The following EFCAB6 variants were observed in gnomAD, a reference collection of about 807,000 sequenced individuals.
EFCAB6 encodes EF-hand calcium-binding domain-containing protein 6.
In EFCAB6, 156 loss-of-function variants were observed where a neutral mutation model predicts 169.8. That is an observed-to-expected ratio of 0.92 (90% CI 0.81 to 1.05). EFCAB6 has a LOEUF of 1.05. Among genes scored for constraint, EFCAB6 ranks in the 50% least tolerant of loss-of-function variants. The pLI is 0.00. For missense variants in EFCAB6, 1,800 were observed against 1,829.1 expected, an observed-to-expected ratio of 0.98 and a Z score of 0.29; for synonymous variants, 698 against 676.4, an observed-to-expected ratio of 1.03 and a Z score of -0.50.
intron 26 of EFCAB6, among the ~76,000 whole-genome samples, chr22:43,558,634 C>G (rs2048847914): frequency 6.6e-6 from 1 of 152,062 alleles, no homozygotes; most frequent in Non-Finnish European, 1.5e-5. Context: ...CAGTGCCACC[C>G]CAGCCTTCAG....
In EFCAB6 at chr22:43,711,608, CA is replaced by C. The variant is rs752107893; in HGVS notation, c.897del (p.Tyr299Ter). 6.3e-7 allele frequency: 1 copy of C among 1,581,010 alleles called. No individual in the cohort carries two copies. The highest frequency in any genetic ancestry group is 2.3e-5 in the East Asian group (1 of 43,624). ...GCACTGAGGGCCTTTTCAACCTTTT[CA>C]TAAGACTTCGAAAGCTGCAATAAAT... ...RNFCLQLSKS[Y>X]EKVEKALSAG... On this transcript the variant is annotated frameshift_variant, in exon 10 of 32. Coordinates refer to ENST00000262726, the MANE Select transcript of EFCAB6 (RefSeq NM_022785.4). LOFTEE classifies it high-confidence loss of function.
intron 10 of EFCAB6, among the ~76,000 whole-genome samples, chr22:43,687,942 C>A (rs901055108): frequency 6.6e-6 from 1 of 152,230 alleles, no homozygotes; most frequent in Non-Finnish European, 1.5e-5. Context: ...GGGGTCCACC[C>A]TCTAATCCTG....
intron 27 of EFCAB6, among the ~76,000 whole-genome samples, chr22:43,547,960 G>A (rs1433432958): frequency 6.6e-6 from 1 of 151,958 alleles, no homozygotes; most frequent in African/African-American, 2.4e-5. Flanking sequence ...GCTGGATGTG[G>A]TGGCGGGCGC....
rs138314952 is a variant in EFCAB6 at position 43,766,444 on chromosome 22, T to C, written c.352-1051A>G. Reference sequence around the variant, plus strand: ...CACAGAAGAAACAAATGAGGTAAAATGTTCACAATAGGTCAATCTCAATGA... The same window carrying C: ...CACAGAAGAAACAAATGAGGTAAAACGTTCACAATAGGTCAATCTCAATGA... On this transcript the variant is annotated intron_variant, in intron 4 of 31. Transcript: ENST00000262726. Among the ~76,000 whole-genome samples the C allele has an allele frequency of 4.3e-4, 65 of 152,320 alleles. 1 individual carries two copies. The Middle Eastern group carries it at 0.02, about 48-fold the overall frequency.
At chr22:43,738,055 ATCAC>A (rs908664395) in intron 6 of EFCAB6, among the ~76,000 whole-genome samples, 42 of 143,486 alleles carry the variant, frequency 2.9e-4, no homozygotes, top group Non-Finnish European at 5.5e-4. Flanking sequence ...CATTCACACC[ATCAC>A]TCAAATATAT....
chr22:43,687,447 G>A (rs202197148), intron 11 of EFCAB6, 24 bp downstream of exon 11: 5 of 833,484 alleles, frequency 6.0e-6, no homozygotes, highest in Non-Finnish European at 8.6e-6. Flanking sequence ...ACTAAAATTT[G>A]TTTTTTTTTT....
chr22:43,799,818 A>C (rs2062639803), intron 2 of EFCAB6, among the ~76,000 whole-genome samples: 1 of 152,180 alleles, frequency 6.6e-6, no homozygotes, highest in Non-Finnish European at 1.5e-5. Flanking sequence ...CAGTAAAAGA[A>C]TTCAACTTCC....
intron 21 of EFCAB6, among the ~76,000 whole-genome samples, chr22:43,611,692 G>C (rs1383474586): frequency 1.3e-5 from 2 of 152,166 alleles, no homozygotes; most frequent in Non-Finnish European, 2.9e-5. Context: ...CAGCTATTTG[G>C]GAGGCTGAGG....
intron 12 of EFCAB6, among the ~76,000 whole-genome samples, chr22:43,682,263 C>T (rs576475401): frequency 1.2e-4 from 18 of 152,272 alleles, no homozygotes; most frequent in African/African-American, 4.3e-4. Flanking sequence ...TCGGCAAGGA[C>T]TTAGCATTAA....
At chr22:43,662,440 G>T (rs1283067682) in intron 17 of EFCAB6, among the ~76,000 whole-genome samples, 3 of 152,036 alleles carry the variant, frequency 2.0e-5, no homozygotes, top group Non-Finnish European at 4.4e-5. Flanking sequence ...CCAGTATGAG[G>T]TTACCAGCCA....
chr22:43,594,275 CAAAAA>C (rs750560174), intron 23 of EFCAB6, among the ~76,000 whole-genome samples: 5 of 81,494 alleles, frequency 6.1e-5, no homozygotes, highest in South Asian at 4.5e-4. Flanking sequence ...AACTCTGTTT[CAAAAA>C]AAAAAAAAAA....
At chr22:43,772,599 C>G (rs989784925) in intron 4 of EFCAB6, among the ~76,000 whole-genome samples, 1 of 148,732 alleles carries the variant, frequency 6.7e-6, no homozygotes, top group Non-Finnish European at 1.5e-5. Flanking sequence ...CAAGATCACA[C>G]CATTGCACTC....
At chr22:43,707,040 A>G (rs2058985651) in intron 10 of EFCAB6, among the ~76,000 whole-genome samples, 3 of 152,252 alleles carry the variant, frequency 2.0e-5, no homozygotes, top group Non-Finnish European at 2.9e-5. Context: ...AGCTGCTGCA[A>G]CAAGAGCCCA....
chr22:43,575,584 A>C (rs1409964227), intron 26 of EFCAB6, among the ~76,000 whole-genome samples: 3 of 152,156 alleles, frequency 2.0e-5, no homozygotes, highest in African/African-American at 7.2e-5. Context: ...AGAAAAAATA[A>C]GTGCAGATAC....
At chr22:43,585,579 A>T (rs2051010392) in intron 24 of EFCAB6, among the ~76,000 whole-genome samples, 1 of 152,248 alleles carries the variant, frequency 6.6e-6, no homozygotes, top group South Asian at 2.1e-4. Flanking sequence ...AAACAAAAAC[A>T]AAAACCCATT....
intron 22 of EFCAB6, among the ~76,000 whole-genome samples, chr22:43,605,811 A>G (rs2052880364): frequency 6.6e-6 from 1 of 152,234 alleles, no homozygotes; most frequent in East Asian, 1.9e-4. Flanking sequence ...AGTGGAGAAC[A>G]AAAACAATAG....
chr22:43,802,069 C>T (rs770395162), intron 2 of EFCAB6, among the ~76,000 whole-genome samples: 1 of 152,142 alleles, frequency 6.6e-6, no homozygotes, highest in South Asian at 2.1e-4. Flanking sequence ...AATAGCTTTA[C>T]TTGTATCAGA....
chr22:43,637,166 CTAT>C (rs2055469939), intron 17 of EFCAB6, among the ~76,000 whole-genome samples: 1 of 152,206 alleles, frequency 6.6e-6, no homozygotes, highest in African/African-American at 2.4e-5. Context: ...ACCTGCCTCC[CTAT>C]CTCCCCAGAA....
intron 16 of EFCAB6, among the ~76,000 whole-genome samples, chr22:43,667,559 G>A (rs1038085433): frequency 1.3e-5 from 2 of 152,180 alleles, no homozygotes; most frequent in Non-Finnish European, 1.5e-5. Flanking sequence ...TGGTCCTCGA[G>A]ATTTTCAGTT....
Sources: gnomAD v4.1 joint callset for allele counts (sites outside exome capture counted in the v4.1 genomes callset) on GRCh38, gnomAD v4.1.1 for gene constraint, MANE v1.5 for transcripts, NCBI Gene and HGNC (gene_info 2026-07-23, HGNC 2026-07-21) for gene names.